Variants in CSMD1 observed in about 807,000 individuals in gnomAD.
CSMD1 encodes CUB and Sushi multiple domains 1.
CSMD1 carries 213 observed loss-of-function variants against 417.5 expected under a neutral mutation model. The observed-to-expected ratio is 0.51, with a 90% CI of 0.46 to 0.57. CSMD1 has a LOEUF of 0.57. Ranked by LOEUF, CSMD1 falls within the 20% of genes least tolerant of loss-of-function variation. CSMD1 has a pLI of 0.00. For missense variants in CSMD1, 6,923 were observed against 4,529.7 expected, an observed-to-expected ratio of 1.53 and a Z score of -15.17; for synonymous variants, 2,862 against 1,736.8, an observed-to-expected ratio of 1.65 and a Z score of -16.11.
intron 3 of CSMD1, among the ~76,000 whole-genome samples, chr8:4,259,151 A>G (rs141116708): frequency 2.7e-3 from 405 of 152,300 alleles, no homozygotes; most frequent in African/African-American, 9.3e-3. Flanking sequence ...CCTCCAAACT[A>G]TCTCACACAC....
At chr8:3,919,333 C>A (rs927540425) in intron 5 of CSMD1, among the ~76,000 whole-genome samples, 3 of 152,004 alleles carry the variant, frequency 2.0e-5, no homozygotes, top group African/African-American at 7.2e-5. Context: ...AACACGTGGG[C>A]CAGTTTCATT....
At chr8:3,573,408 A>C (rs1384226499) in intron 10 of CSMD1, among the ~76,000 whole-genome samples, 1 of 152,204 alleles carries the variant, frequency 6.6e-6, no homozygotes. Flanking sequence ...GTCCCAGGGT[A>C]CAACACGGCT....
Position 3,578,395 on chromosome 8 carries a change from G to A in CSMD1, c.1223-3329C>T, listed in dbSNP as rs185562578. Among the ~76,000 whole-genome samples, 421 of 149,350 alleles carry A rather than the reference G, an allele frequency of 2.8e-3. 3 individuals are homozygous for A. The highest frequency in any genetic ancestry group is 9.8e-3 in the African/African-American group (405 of 41,210). On this transcript the variant is annotated intron_variant, in intron 9 of 69. Transcript: ENST00000635120. Reference sequence around the variant, plus strand: ...TAGAAATCCTCTAGTTAGACGGGAAGGGCACAGCAGCCTGCGAGGCAGGAA... The same window carrying A: ...TAGAAATCCTCTAGTTAGACGGGAAAGGCACAGCAGCCTGCGAGGCAGGAA...
chr8:4,413,060 C>T (rs13269685), intron 3 of CSMD1, among the ~76,000 whole-genome samples: 41,384 of 152,060 alleles, frequency 0.27, 5,964 homozygotes, highest in East Asian at 0.42. Context: ...TACAAAATTA[C>T]GCATATAATT....
chr8:4,431,150 T>A (rs1030646623), intron 2 of CSMD1, among the ~76,000 whole-genome samples: 2 of 152,140 alleles, frequency 1.3e-5, no homozygotes, highest in Non-Finnish European at 2.9e-5. Flanking sequence ...TCTAAATGAT[T>A]TGCTCAAAGG....
intron 49 of CSMD1, among the ~76,000 whole-genome samples, chr8:3,053,737 A>G (rs999158650): frequency 6.6e-6 from 1 of 152,184 alleles, no homozygotes; most frequent in Non-Finnish European, 1.5e-5. Context: ...AAAATTCTCA[A>G]ACGATTACAT....
At chr8:4,730,602 G>T (rs987366876) in intron 1 of CSMD1, among the ~76,000 whole-genome samples, 5 of 151,998 alleles carry the variant, frequency 3.3e-5, no homozygotes, top group Non-Finnish European at 7.4e-5. Context: ...TTAGCCGGGC[G>T]TGGTGGCGGG....
chr8:3,926,431 T>C (rs1221325271), intron 5 of CSMD1, among the ~76,000 whole-genome samples: 3 of 149,720 alleles, frequency 2.0e-5, no homozygotes, highest in East Asian at 1.9e-4. Flanking sequence ...GTAGCTAATA[T>C]AGAGTCTGTT....
intron 1 of CSMD1, among the ~76,000 whole-genome samples, chr8:4,735,310 T>C (rs963912817): frequency 6.6e-6 from 1 of 152,212 alleles, no homozygotes; most frequent in East Asian, 1.9e-4. Context: ...ACATCTCCAA[T>C]GCCAGCTACC....
chr8:4,039,492 A>G (rs1797778842), intron 3 of CSMD1, among the ~76,000 whole-genome samples: 1 of 152,176 alleles, frequency 6.6e-6, no homozygotes, highest in Non-Finnish European at 1.5e-5. Flanking sequence ...TCTGAATGCG[A>G]GCCAATCTGT....
At chr8:3,886,404 G>C (rs565442088) in intron 5 of CSMD1, among the ~76,000 whole-genome samples, 1 of 152,268 alleles carries the variant, frequency 6.6e-6, no homozygotes, top group East Asian at 1.9e-4. Context: ...GCTAGTTGTG[G>C]TAGCAGTGAT....
chr8:4,009,684 TTGAGGAAGGAAGGG>T (rs1360007137), intron 4 of CSMD1, among the ~76,000 whole-genome samples: 35 of 152,116 alleles, frequency 2.3e-4, no homozygotes, highest in African/African-American at 8.2e-4. Flanking sequence ...GGAGATATTA[TTGAGGAAGGAAGGG>T]CCACAAAGAG....
At chr8:4,946,275 G>A (rs1172239421) in intron 1 of CSMD1, among the ~76,000 whole-genome samples, 2 of 152,170 alleles carry the variant, frequency 1.3e-5, no homozygotes, top group Non-Finnish European at 2.9e-5. Flanking sequence ...GTGAGATGAA[G>A]AAAGCTTTTT....
intron 5 of CSMD1, among the ~76,000 whole-genome samples, chr8:3,868,941 A>C (rs79272723): frequency 0.082 from 12,415 of 152,246 alleles, 553 homozygotes; most frequent in South Asian, 0.15. Context: ...AGAGCCAAAG[A>C]GACTCCATTA....
intron 5 of CSMD1, among the ~76,000 whole-genome samples, chr8:3,886,357 A>G (rs1167609736): frequency 1.3e-5 from 2 of 152,156 alleles, no homozygotes; most frequent in East Asian, 1.9e-4. Context: ...CCCATTATAT[A>G]TTTTTTAAAC....
At chr8:3,493,911 A>G (rs1419069654) in intron 10 of CSMD1, among the ~76,000 whole-genome samples, 185 bp from the exon 11 acceptor site, 5 of 152,208 alleles carry the variant, frequency 3.3e-5, no homozygotes, top group Non-Finnish European at 7.3e-5. Context: ...GCATTATAGA[A>G]TTTTATGAAA....
chr8:4,340,280 A>G (rs1301379546), intron 3 of CSMD1, among the ~76,000 whole-genome samples: 1 of 151,706 alleles, frequency 6.6e-6, no homozygotes. Flanking sequence ...TTTCCTTGAG[A>G]CTAGTCATCT....
chr8:3,511,971 G>A (rs1245572894), intron 10 of CSMD1, among the ~76,000 whole-genome samples: 1 of 151,104 alleles, frequency 6.6e-6, no homozygotes, highest in Admixed American at 6.6e-5. Context: ...CAGTTTTACA[G>A]TCACAGTGAG....
At chr8:4,762,592 A>C (rs780261761) in intron 1 of CSMD1, among the ~76,000 whole-genome samples, 4 of 152,144 alleles carry the variant, frequency 2.6e-5, no homozygotes, top group Non-Finnish European at 4.4e-5. Context: ...GAACCAGTGC[A>C]TCCCTCTGAG....
Sources: allele counts gnomAD v4.1 joint callset (sites outside exome capture counted in the v4.1 genomes callset), GRCh38; gene constraint gnomAD v4.1.1; transcripts MANE v1.5; gene names NCBI Gene and HGNC (gene_info 2026-07-23, HGNC 2026-07-21).